The following TAF12 variants were observed in gnomAD, a reference collection of about 807,000 sequenced individuals.
TAF12 encodes the protein TATA-box binding protein associated factor 12, also known as transcription initiation factor TFIID subunit 12.
In TAF12, 3 loss-of-function variants were observed where a neutral mutation model predicts 20.8. That is an observed-to-expected ratio of 0.14 (90% confidence interval 0.07 to 0.37). The LOEUF (loss-of-function observed/expected upper bound fraction) is 0.37, where lower values mean the gene tolerates loss of function less well. Among genes scored for constraint, TAF12 ranks in the 10% least tolerant of loss-of-function variants. TAF12 has a pLI of 1.00. For synonymous variants in TAF12, 69 were observed against 70.2 expected (o/e 0.98, Z 0.09); for missense variants, 131 against 197.9 (o/e 0.66, Z 2.03).
At chr1:28,639,063 C>T (rs1667942929) in intron 1 of TAF12, among the ~76,000 whole-genome samples, 1 of 151,906 alleles carries the variant, frequency 6.6e-6, no homozygotes, top group Non-Finnish European at 1.5e-5. Context: ...GCGTGAGCCA[C>T]CACGCCCGGC....
chr1:28,606,124 G>A (rs1335270049), intron 4 of TAF12, among the ~76,000 whole-genome samples: 4 of 152,042 alleles, frequency 2.6e-5, no homozygotes, highest in Non-Finnish European at 4.4e-5. Context: ...TCAGACTCCC[G>A]AGTAGCTGGG....
At position 28,621,954 on chromosome 1, in the gene TAF12, G is replaced by A. The variant is rs1667233727; in HGVS notation, c.128C>T (p.Thr43Ile). 1 of 1,613,736 alleles carries A rather than the reference G, an allele frequency of 6.2e-7. No homozygotes were observed. The highest frequency in any genetic ancestry group is 1.1e-5 in the South Asian group (1 of 91,024). ...NSTAVVKIPG[T>I]PGAGGRLSPE... Reference sequence around the variant, plus strand: ...GCTAAGACGACCTCCTGCCCCAGGAGTGCCTGGTATCTTTACCACTGCAGT... The same window carrying A: ...GCTAAGACGACCTCCTGCCCCAGGAATGCCTGGTATCTTTACCACTGCAGT... The change falls in exon 2 of 6, where the codon ACT becomes ATT. Residue 43 changes from threonine (T) to isoleucine (I), a missense_variant. By Grantham distance (89) the Thr-to-Ile change is moderately conservative. Transcript: ENST00000373824.
chr1:28,639,054 C>T (rs186025762), intron 1 of TAF12, among the ~76,000 whole-genome samples: 4 of 151,930 alleles, frequency 2.6e-5, no homozygotes, highest in East Asian at 2.0e-4. Context: ...GGATTACCGG[C>T]GTGAGCCACC....
rs114989626 is a variant in TAF12 at position 28,631,231 on chromosome 1, G to A, written c.-84-9066C>T. 3.7e-3 allele frequency among the ~76,000 whole-genome samples: 557 copies of A among 151,836 alleles called. 7 individuals are homozygous for A. The highest frequency in any genetic ancestry group is 0.013 in the African/African-American group (533 of 41,392). ...AAATAACAACCCAATTTAGAAAATG[G>A]GCAGACTCGGCCAGGCATGGTGGCT... is the stretch of plus-strand genomic sequence containing the variant. On this transcript the variant is annotated intron_variant, in intron 1 of 5. Coordinates refer to ENST00000373824, the MANE Select transcript of TAF12 (RefSeq NM_005644.4).
intron 3 of TAF12, among the ~76,000 whole-genome samples, chr1:28,614,988 A>T (rs1666981954): frequency 6.6e-6 from 1 of 152,148 alleles, no homozygotes; most frequent in South Asian, 2.1e-4. Context: ...ATGCACTTGT[A>T]GTCCCAGTTA....
At chr1:28,630,508 C>T (rs745596309) in intron 1 of TAF12, among the ~76,000 whole-genome samples, 43 of 150,598 alleles carry the variant, frequency 2.9e-4, no homozygotes, top group East Asian at 8.0e-4. Flanking sequence ...GCTGAGATCA[C>T]GCCACTGCAC....
At position 28,635,826 on chromosome 1, in the gene TAF12, T is replaced by TAA. The variant is rs1443884531; in HGVS notation, c.-85+7165_-85+7166insTT. ...TATTCCATTAACTGTTTTTTTTTTTTTAAAAAAACAAAACAAAGGTGAAGA... is the reference window on the plus strand; with the variant it reads ...TATTCCATTAACTGTTTTTTTTTTTTAATAAAAAAACAAAACAAAGGTGAAGA... On this transcript the variant is annotated intron_variant, in intron 1 of 5. Coordinates refer to ENST00000373824, the MANE Select transcript of TAF12 (RefSeq NM_005644.4). Among the ~76,000 whole-genome samples the TAA allele has an allele frequency of 1.0e-3, 156 of 149,284 alleles. 2 individuals carry two copies. Among genetic ancestry groups the TAA allele is most frequent in the Admixed American group, 0.01 (154 of 14,970 alleles).
In TAF12 at chr1:28,603,467, G is replaced by C; in HGVS notation, c.*72C>G. 6.5e-7 allele frequency: 1 copy of C among 1,534,830 alleles called. No homozygotes were observed. Among genetic ancestry groups the C allele is most frequent in the Non-Finnish European group, 9.0e-7 (1 of 1,114,466 alleles). On this transcript the variant is annotated 3_prime_UTR_variant, in exon 6 of 6. Coordinates refer to ENST00000373824, the MANE Select transcript of TAF12 (RefSeq NM_005644.4). ...AAAGCATTAAAAAAAAAAATCCAAG[G>C]ATGAGATGGCTGAGTTCTCAGCTCA...
chr1:28,639,534 T>C (rs1002115417), intron 1 of TAF12, among the ~76,000 whole-genome samples: 1 of 151,936 alleles, frequency 6.6e-6, no homozygotes, highest in African/African-American at 2.4e-5. Flanking sequence ...TTATAATAAG[T>C]CAACGCTAGA....
chr1:28,631,268 T>C (rs1667610229), intron 1 of TAF12, among the ~76,000 whole-genome samples: 1 of 151,782 alleles, frequency 6.6e-6, no homozygotes, highest in Non-Finnish European at 1.5e-5. Flanking sequence ...ACGCCTGTAA[T>C]CCCAGCCCTT....
intron 1 of TAF12, among the ~76,000 whole-genome samples, chr1:28,637,596 C>T (rs185617617): frequency 7.3e-5 from 11 of 150,234 alleles, no homozygotes; most frequent in Admixed American, 2.0e-4. Context: ...ACCCGTGAGG[C>T]GGAGGTTGCA....
intron 2 of TAF12, 92 bp downstream of exon 2, chr1:28,621,822 G>A: frequency 6.6e-7 from 1 of 1,503,770 alleles, no homozygotes; most frequent in Non-Finnish European, 8.9e-7. Flanking sequence ...AGAGAAAAAA[G>A]CAGCATCTGA....
At chr1:28,640,973 G>T (rs1668010250) in intron 1 of TAF12, among the ~76,000 whole-genome samples, 1 of 152,230 alleles carries the variant, frequency 6.6e-6, no homozygotes, top group South Asian at 2.1e-4. Context: ...GGAGGCTGAG[G>T]CAGGAGGAGT....
In TAF12 at chr1:28,603,533, C is replaced by T. The variant is rs769663156; in HGVS notation, c.*6G>A. The T allele has an allele frequency of 8.1e-6, 13 of 1,613,610 alleles. No homozygotes were observed. The highest frequency in any genetic ancestry group is 3.3e-5 in the Admixed American group (2 of 59,980). On this transcript the variant is annotated 3_prime_UTR_variant, in exon 6 of 6. Transcript: ENST00000373824. ...ATTGCTGTCCATTCCCTGACCTTTCCGTGTGTTATTTCTTGGTTGTTTTCC... is the reference window on the plus strand; with the variant it reads ...ATTGCTGTCCATTCCCTGACCTTTCTGTGTGTTATTTCTTGGTTGTTTTCC...
upstream of TAF12, among the ~76,000 whole-genome samples, chr1:28,645,904 G>A (rs1668173357): frequency 6.6e-6 from 1 of 151,898 alleles, no homozygotes; most frequent in Admixed American, 6.6e-5. Context: ...GGTGGTAGAG[G>A]TTGAAGCGAG....
chr1:28,639,277 A>G (rs957808492), intron 1 of TAF12, among the ~76,000 whole-genome samples: 1 of 151,020 alleles, frequency 6.6e-6, no homozygotes, highest in Admixed American at 6.6e-5. Context: ...TTAGCCAGGC[A>G]TGGTGGCGCA....
chr1:28,640,090 G>A (rs752588659), intron 1 of TAF12, among the ~76,000 whole-genome samples: 10 of 152,218 alleles, frequency 6.6e-5, no homozygotes, highest in South Asian at 2.1e-4. Context: ...TGACCCGCCC[G>A]CCTTGGCCTC....
chr1:28,604,232 C>T (rs963536001), intron 5 of TAF12, among the ~76,000 whole-genome samples: 10 of 152,116 alleles, frequency 6.6e-5, no homozygotes, highest in Admixed American at 3.9e-4. Context: ...GGTCCCCTGA[C>T]CCCAATCTTT....
At chr1:28,637,739 A>C (rs2124383833) in intron 1 of TAF12, among the ~76,000 whole-genome samples, 1 of 152,294 alleles carries the variant, frequency 6.6e-6, no homozygotes, top group Non-Finnish European at 1.5e-5. Flanking sequence ...GTCCATACAC[A>C]GAAATTTCAA....
Sources: allele counts gnomAD v4.1 joint callset (sites outside exome capture counted in the v4.1 genomes callset), GRCh38; gene constraint gnomAD v4.1.1; transcripts MANE v1.5; gene names NCBI Gene and HGNC (gene_info 2026-07-23, HGNC 2026-07-21).